Variants in CBLN2 observed in about 807,000 individuals in gnomAD.
CBLN2 encodes cerebellin-2.
A neutral mutation model predicts 15.0 loss-of-function variants in CBLN2; 7 were observed. The observed-to-expected ratio is 0.47, with a 90% CI of 0.27 to 0.88. CBLN2 has a LOEUF of 0.88. Among genes scored for constraint, CBLN2 ranks in the 40% least tolerant of loss-of-function variants. CBLN2 has a pLI of 0.14. For missense variants in CBLN2, 242 were observed against 304.5 expected, an observed-to-expected ratio of 0.79 and a Z score of 1.53; for synonymous variants, 149 against 135.2, an observed-to-expected ratio of 1.10 and a Z score of -0.71.
intron 1 of CBLN2, among the ~76,000 whole-genome samples, chr18:72,596,866 G>T (rs2069517154): frequency 6.6e-6 from 1 of 151,976 alleles, no homozygotes; most frequent in South Asian, 2.1e-4. Flanking sequence ...TTGACTTTTG[G>T]AATATGAATA....
chr18:72,557,709 A>G (rs1426950723), intron 1 of CBLN2, among the ~76,000 whole-genome samples: 2 of 152,140 alleles, frequency 1.3e-5, no homozygotes, highest in African/African-American at 4.8e-5. Context: ...AAAAATGAGA[A>G]CACATGGACA....
intron 1 of CBLN2, among the ~76,000 whole-genome samples, chr18:72,627,489 G>A (rs1217170879): frequency 1.3e-5 from 2 of 152,198 alleles, no homozygotes; most frequent in African/African-American, 4.8e-5. Context: ...CTTCGAATGG[G>A]GAGCTCTGCT....
chr18:72,625,810 CTCTCTCTCTATA>C (rs1255671543), intron 1 of CBLN2, among the ~76,000 whole-genome samples: 52 of 67,710 alleles, frequency 7.7e-4, no homozygotes, highest in East Asian at 1.3e-3. Flanking sequence ...CTCTCTCTCT[CTCTCTCTCTATA>C]TATATATATA....
chr18:72,589,952 G>C (rs542752230), intron 1 of CBLN2, among the ~76,000 whole-genome samples: 17 of 152,142 alleles, frequency 1.1e-4, no homozygotes, highest in Admixed American at 1.1e-3. Flanking sequence ...GGTCAACATG[G>C]TGAAACCCTA....
intron 3 of CBLN2, chr18:72,539,280 G>T (rs2069091486): frequency 6.4e-6 from 1 of 155,320 alleles, no homozygotes; most frequent in African/African-American, 2.4e-5. Flanking sequence ...ACTTCTGTAA[G>T]TTCAAGCTTG....
At chr18:72,574,201 C>T (rs140344350) in intron 1 of CBLN2, among the ~76,000 whole-genome samples, 2 of 151,998 alleles carry the variant, frequency 1.3e-5, no homozygotes, top group Admixed American at 1.3e-4. Context: ...ATTAGATATG[C>T]CTTTTGCAAA....
chr18:72,612,256 G>GT (rs921496609), intron 1 of CBLN2, among the ~76,000 whole-genome samples: 3 of 152,166 alleles, frequency 2.0e-5, no homozygotes, highest in Middle Eastern at 3.4e-3. Context: ...TTTTAGAATA[G>GT]TTTTTTTCTA....
chr18:72,565,997 AT>A (rs1243697859), intron 1 of CBLN2, among the ~76,000 whole-genome samples: 3 of 152,210 alleles, frequency 2.0e-5, no homozygotes, highest in Non-Finnish European at 4.4e-5. Flanking sequence ...ATTTTTTTAA[AT>A]GAGCAAAAGA....
rs1180281251 is a variant in CBLN2, at chr18:72,538,344, C to A, written c.507G>T (p.Val169=). 6.2e-7 allele frequency: 1 copy of A among 1,614,194 alleles called. No homozygotes were observed. ...CCTGGTCTCCTGCAAAGGCCGAGAT[C>A]ACTGGGTAGCCATTCTGCATTAAAC... ...QVSLMQNGYP[V]ISAFAGDQDV... Residue 169 remains valine (V), a synonymous_variant, in exon 5 of 5, where the codon GTG becomes GTT. Coordinates refer to ENST00000269503, the MANE Select transcript of CBLN2 (RefSeq NM_182511.4).
chr18:72,638,309 A>C (rs1031324794), intron 1 of CBLN2: 2 of 398,456 alleles, frequency 5.0e-6, no homozygotes, highest in Non-Finnish European at 8.8e-6. Flanking sequence ...GTCTAGCCTA[A>C]AGTTTTAACA....
chr18:72,544,410 G>C (rs2069143147), upstream of CBLN2: 1 of 152,190 alleles, frequency 6.6e-6, no homozygotes, highest in Non-Finnish European at 1.5e-5. Flanking sequence ...AAGGACCCGG[G>C]GAGACGCGCT....
chr18:72,606,537 G>T (rs796271495), intron 1 of CBLN2, among the ~76,000 whole-genome samples: 13 of 152,284 alleles, frequency 8.5e-5, no homozygotes, highest in Admixed American at 3.9e-4. Flanking sequence ...CTTATGTCAG[G>T]TCCCTTAGAA....
Position 72,564,250 on chromosome 18 carries a change from T to C in CBLN2, c.16-25478A>G, listed in dbSNP as rs940326081. Among the ~76,000 whole-genome samples the C allele has an allele frequency of 3.9e-5, 6 of 151,946 alleles. No individual in the cohort carries two copies. In the East Asian group the frequency reaches 1.2e-3, roughly 29 times the overall value. ...TCTGAAAAGAAATTCAGAATAATAA[T>C]CTTAAGAAAACTCAGTGAGATGCAA... On this transcript the variant is annotated intron_variant, in intron 1 of 2. Coordinates refer to the CBLN2 transcript ENST00000581073.
At position 72,637,941 on chromosome 18, in the gene CBLN2, G is replaced by A. The variant is rs78217274; in HGVS notation, c.15+384C>T. ...GAGCTCTGATGAGGAGCCAGCCGCTGAGACGAGACTTGAAGGATACGACGG... is the reference window on the plus strand; with the variant it reads ...GAGCTCTGATGAGGAGCCAGCCGCTAAGACGAGACTTGAAGGATACGACGG... On this transcript the variant is annotated intron_variant, in intron 1 of 2. Coordinates refer to the CBLN2 transcript ENST00000581073. Among the ~76,000 whole-genome samples the A allele has an allele frequency of 7.6e-3, 1,164 of 152,338 alleles. 17 individuals carry two copies. The highest frequency in any genetic ancestry group is 0.026 in the African/African-American group (1,091 of 41,586).
chr18:72,625,617 CTA>C (rs2069730736), intron 1 of CBLN2, among the ~76,000 whole-genome samples: 1 of 145,752 alleles, frequency 6.9e-6, no homozygotes, highest in African/African-American at 2.5e-5. Context: ...GAGGGTAATA[CTA>C]TATATATAAA....
chr18:72,630,266 T>C (rs530415013), intron 1 of CBLN2, among the ~76,000 whole-genome samples: 1 of 152,272 alleles, frequency 6.6e-6, no homozygotes, highest in South Asian at 2.1e-4. Context: ...AAGTGGGTCA[T>C]AGAAAGGATT....
intron 1 of CBLN2, among the ~76,000 whole-genome samples, chr18:72,599,648 A>G (rs1490584048): frequency 6.6e-6 from 1 of 152,236 alleles, no homozygotes; most frequent in African/African-American, 2.4e-5. Flanking sequence ...CATTTTTATA[A>G]AGCTGTGAGA....
chr18:72,563,518 G>C (rs1306202739), intron 1 of CBLN2, among the ~76,000 whole-genome samples: 3 of 152,088 alleles, frequency 2.0e-5, no homozygotes, highest in Non-Finnish European at 4.4e-5. Context: ...CTGTACGAGA[G>C]CACTGGCGTA....
At chr18:72,550,707 CTTTTTT>C (rs1177034180) in intron 1 of CBLN2, among the ~76,000 whole-genome samples, 1 of 145,784 alleles carries the variant, frequency 6.9e-6, no homozygotes, top group Non-Finnish European at 1.5e-5. Context: ...TTTTCTTTTT[CTTTTTT>C]TTTTTAATTT....
Sources: allele counts gnomAD v4.1 joint callset (sites outside exome capture counted in the v4.1 genomes callset), GRCh38; gene constraint gnomAD v4.1.1; transcripts MANE v1.5; gene names NCBI Gene and HGNC (gene_info 2026-07-23, HGNC 2026-07-21).